The following LCK variants were observed in gnomAD, a reference collection of about 807,000 sequenced individuals.
LCK encodes the protein tyrosine-protein kinase Lck.
Under a neutral mutation model 64.6 loss-of-function variants are expected in LCK, and 14 were observed. That is an observed-to-expected ratio of 0.22 (90% CI 0.14 to 0.34). The LOEUF is 0.34. Ranked by LOEUF, LCK falls within the 10% of genes least tolerant of loss-of-function variation. The pLI is 1.00. For missense variants in LCK, 434 were observed against 668.1 expected (o/e 0.65, Z 3.86); for synonymous variants, 277 against 263.6 (o/e 1.05, Z -0.49).
At chr1:32,266,327 C>T (rs1639906761) in intron 1 of LCK, among the ~76,000 whole-genome samples, 1 of 148,328 alleles carries the variant, frequency 6.7e-6, no homozygotes, top group South Asian at 2.1e-4. Flanking sequence ...CCCGTCTCTA[C>T]TAAAAATACA....
Position 32,276,583 on chromosome 1 carries a change from C to A in LCK, c.785-24C>A. ...CAGGACAGCTGCCTGGCGACTTTCC[C>A]ACTCCTTCCCTTCCCCGACCCAGGG... is the stretch of plus-strand genomic sequence containing the variant. On this transcript the variant is annotated intron_variant, in intron 8 of 12. Coordinates refer to ENST00000336890, the MANE Select transcript of LCK (RefSeq NM_005356.5). The surrounding 1 kb of genome is among the most constrained non-coding windows in gnomAD (Gnocchi z 4.6). The A allele has an allele frequency of 6.3e-7, 1 of 1,590,850 alleles. No homozygotes were observed. The highest frequency in any genetic ancestry group is 1.1e-5 in the South Asian group (1 of 88,394).
chr1:32,270,960 C>T (rs1000680233), intron 1 of LCK, among the ~76,000 whole-genome samples: 1 of 150,806 alleles, frequency 6.6e-6, no homozygotes, highest in African/African-American at 2.4e-5. Flanking sequence ...CCTTGGCCTC[C>T]CAAAGTGCTG....
chr1:32,271,090 T>C (rs1206117827), intron 1 of LCK, among the ~76,000 whole-genome samples: 1 of 149,740 alleles, frequency 6.7e-6, no homozygotes. Context: ...AGCCTTGAGC[T>C]CCTGGGCTCA....
chr1:32,257,721 A>G (rs1639663918), intron 1 of LCK, among the ~76,000 whole-genome samples: 1 of 152,176 alleles, frequency 6.6e-6, no homozygotes. Flanking sequence ...ACTGTCCATG[A>G]TACAAAAAGC....
intron 1 of LCK, among the ~76,000 whole-genome samples, chr1:32,257,240 TTTTTTTTTTG>T (rs1266628811): frequency 6.6e-6 from 1 of 151,830 alleles, no homozygotes; most frequent in Non-Finnish European, 1.5e-5. Context: ...GTCTTGTTTT[TTTTTTTTTTG>T]TTTTTTTTGT....
intron 1 of LCK, among the ~76,000 whole-genome samples, chr1:32,265,962 CT>C (rs1207302076): frequency 6.6e-6 from 1 of 152,138 alleles, no homozygotes; most frequent in East Asian, 1.9e-4. Context: ...AGCACCCGGC[CT>C]TGTTTTGAGA....
At position 32,251,894 on chromosome 1, in the gene LCK, AAGAGAGAG is replaced by A. The variant is rs4012161; in HGVS notation, c.-6+559_-6+566del. On this transcript the variant is annotated intron_variant, in intron 1 of 12. Coordinates refer to ENST00000336890, the MANE Select transcript of LCK (RefSeq NM_005356.5). This position sits in a 1 kb window ranked among gnomAD's most constrained non-coding sequence, Gnocchi z 4.0. ...CCCCAGTGACAAGAATCTCCTGAGAAAGAGAGAGAGAGAGAGAGAGAGAGAGAGAGAGA... is the reference window on the plus strand; with the variant it reads ...CCCCAGTGACAAGAATCTCCTGAGAAAGAGAGAGAGAGAGAGAGAGAGAGA... Among the ~76,000 whole-genome samples, 4,407 of 132,288 alleles carry A rather than the reference AAGAGAGAG, an allele frequency of 0.033. 94 individuals carry two copies. The highest frequency in any genetic ancestry group is 0.062 in the African/African-American group (2,178 of 35,218). 86.8% of individuals were successfully genotyped at this position (132,288 alleles called of 152,430 possible).
chr1:32,278,540 T>C (rs570113015), intron 9 of LCK, among the ~76,000 whole-genome samples: 1 of 152,264 alleles, frequency 6.6e-6, no homozygotes, highest in East Asian at 1.9e-4. Flanking sequence ...GTTTTCGCCT[T>C]GTTGGCTAGG....
intron 1 of LCK, among the ~76,000 whole-genome samples, chr1:32,272,259 C>T (rs145255721): frequency 1.3e-3 from 194 of 151,066 alleles, no homozygotes; most frequent in African/African-American, 4.5e-3. Context: ...TCAGCTGAGC[C>T]TTGAAGGTTG....
In LCK at chr1:32,254,362, T is replaced by G. The variant is rs147536671; in HGVS notation, c.-6+2991T>G. Reference sequence around the variant, plus strand: ...GGTGAATCCCCATCTCCACTAAAAATACAAAAAATTAGCCAGGCATGGTGG... The same window carrying G: ...GGTGAATCCCCATCTCCACTAAAAAGACAAAAAATTAGCCAGGCATGGTGG... On this transcript the variant is annotated intron_variant, in intron 1 of 12. Transcript: ENST00000336890. 5.4e-3 allele frequency among the ~76,000 whole-genome samples: 817 copies of G among 152,164 alleles called. 7 individuals are homozygous for G. The highest frequency in any genetic ancestry group is 0.019 in the African/African-American group (785 of 41,536).
At position 32,275,142 on chromosome 1, in the gene LCK, C is replaced by T; in HGVS notation, c.278+59C>T. On this transcript the variant is annotated intron_variant, in intron 4 of 12. Coordinates refer to ENST00000336890, the MANE Select transcript of LCK (RefSeq NM_005356.5). The surrounding 1 kb of genome is among the most constrained non-coding windows in gnomAD (Gnocchi z 6.9). ...CGTGAGGGAGCGGCGATCTCCGCGA[C>T]CCGCAGCCCTCCTGCGGCCCTTGAC... 3 of 1,525,544 alleles carry T rather than the reference C, an allele frequency of 2.0e-6. No individual in the cohort carries two copies. The highest frequency in any genetic ancestry group is 2.7e-6 in the Non-Finnish European group (3 of 1,110,242). 94.5% of individuals were successfully genotyped at this position (1,525,544 alleles called of 1,614,324 possible). A position where few individuals can be genotyped will look rare whatever the true frequency, so the allele number is the denominator to read the frequency against.
intron 1 of LCK, among the ~76,000 whole-genome samples, chr1:32,264,295 T>C (rs1639857627): frequency 6.6e-6 from 1 of 152,168 alleles, no homozygotes; most frequent in South Asian, 2.1e-4. Context: ...CACATTCTCC[T>C]AGACCTCTCA....
Position 32,285,683 on chromosome 1 carries a change from G to T in LCK, c.1497G>T (p.Thr499=). 6.2e-7 allele frequency: 1 copy of T among 1,609,468 alleles called. No homozygotes were observed. Among genetic ancestry groups the T allele is most frequent in the South Asian group, 1.1e-5 (1 of 90,550 alleles). Residue 499 remains threonine, a synonymous_variant, in exon 13 of 13, where the codon ACG becomes ACT. Coordinates refer to ENST00000336890, the MANE Select transcript of LCK (RefSeq NM_005356.5). ...GCAGTGTGCTGGAGGACTTCTTCAC[G>T]GCCACAGAGGGCCAGTACCAGCCTC... The part of the protein sequence containing the change: ...YLRSVLEDFF[T]ATEGQYQPQP
intron 1 of LCK, among the ~76,000 whole-genome samples, chr1:32,253,315 T>A (rs1299203449): frequency 6.6e-6 from 1 of 152,066 alleles, no homozygotes; most frequent in Non-Finnish European, 1.5e-5. Context: ...TGAGCAGAGA[T>A]CGAGTCATTG....
chr1:32,254,739 C>T (rs1240812474), intron 1 of LCK, among the ~76,000 whole-genome samples: 1 of 152,046 alleles, frequency 6.6e-6, no homozygotes, highest in East Asian at 1.9e-4. Context: ...CTTGAACTCC[C>T]GATCTCAGGT....
intron 9 of LCK, among the ~76,000 whole-genome samples, chr1:32,279,361 G>A (rs528739731): frequency 1.3e-5 from 2 of 152,234 alleles, no homozygotes; most frequent in African/African-American, 2.4e-5. Context: ...AAGGCAGAGT[G>A]GGGGAAAGAG....
At chr1:32,284,253 T>C (rs753954989) in intron 12 of LCK, among the ~76,000 whole-genome samples, 1 of 145,682 alleles carries the variant, frequency 6.9e-6, no homozygotes, top group Non-Finnish European at 1.5e-5. Context: ...CTTTCTGTGA[T>C]ATATATATAT....
At chr1:32,285,170 G>A (rs921701911) in intron 12 of LCK, among the ~76,000 whole-genome samples, 68 of 151,916 alleles carry the variant, frequency 4.5e-4, no homozygotes, top group African/African-American at 1.6e-3. Context: ...GCGTGGTGGT[G>A]CATGCCTGTA....
chr1:32,252,155 C>T (rs1639524383), intron 1 of LCK, among the ~76,000 whole-genome samples: 1 of 152,000 alleles, frequency 6.6e-6, no homozygotes, highest in African/African-American at 2.4e-5. Context: ...TATTTTTATC[C>T]CAGACAGGGG....
Sources: gnomAD v4.1 joint callset for allele counts (sites outside exome capture counted in the v4.1 genomes callset) on GRCh38, gnomAD v4.1.1 for gene constraint, Gnocchi (gnomAD v3.1) non-coding constraint, MANE v1.5 for transcripts, NCBI Gene and HGNC (gene_info 2026-07-23, HGNC 2026-07-21) for gene names.